TRAPPC9: variants seen among roughly 807,000 people sequenced by gnomAD.
TRAPPC9 encodes IKK2 binding protein.
In TRAPPC9, 83 loss-of-function variants were observed where a neutral mutation model predicts 124.0. The ratio of observed to expected loss-of-function variants is 0.67; its 90% confidence interval spans 0.56 to 0.80. The LOEUF (loss-of-function observed/expected upper bound fraction) is 0.80. Ranked by LOEUF, TRAPPC9 falls within the 30% of genes least tolerant of loss-of-function variation. The pLI is 0.00. For synonymous variants in TRAPPC9, 638 were observed against 617.5 expected, an observed-to-expected ratio of 1.03 and a Z score of -0.49; for missense variants, 1,302 against 1,508.3, an observed-to-expected ratio of 0.86 and a Z score of 2.27.
At chr8:140,153,585 T>C (rs893873383) in intron 17 of TRAPPC9, among the ~76,000 whole-genome samples, 10 of 152,302 alleles carry the variant, frequency 6.6e-5, no homozygotes, top group Middle Eastern at 6.8e-3. Context: ...CTCTGCCTTA[T>C]TGACCTTTGT....
At chr8:140,118,114 AT>A (rs2060923406) in intron 17 of TRAPPC9, among the ~76,000 whole-genome samples, 1 of 152,236 alleles carries the variant, frequency 6.6e-6, no homozygotes, top group Non-Finnish European at 1.5e-5. Context: ...TCCCATTTAA[AT>A]CAGAAACCAA....
intron 21 of TRAPPC9, among the ~76,000 whole-genome samples, chr8:139,816,088 T>C (rs1032448850): frequency 5.9e-5 from 9 of 151,902 alleles, no homozygotes; most frequent in Non-Finnish European, 1.3e-4. Flanking sequence ...GATGCTATGG[T>C]TGGGAAGCAC....
intron 17 of TRAPPC9, among the ~76,000 whole-genome samples, chr8:140,070,565 T>C (rs1843108121): frequency 6.6e-6 from 1 of 152,226 alleles, no homozygotes; most frequent in Non-Finnish European, 1.5e-5. Context: ...AAAACCAGAC[T>C]GTTCTTGCTC....
intron 21 of TRAPPC9, among the ~76,000 whole-genome samples, chr8:139,789,873 G>T (rs1359797044): frequency 6.6e-6 from 1 of 152,152 alleles, no homozygotes; most frequent in Non-Finnish European, 1.5e-5. Flanking sequence ...CTGTAGGCCG[G>T]CCTCAGTGCA....
chr8:140,151,921 C>G (rs79986214), intron 17 of TRAPPC9, among the ~76,000 whole-genome samples: 1 of 152,172 alleles, frequency 6.6e-6, no homozygotes, highest in Non-Finnish European at 1.5e-5. Flanking sequence ...ACCTCAGCCT[C>G]GACACACCCC....
chr8:140,161,927 A>C (rs2061758186), intron 17 of TRAPPC9, among the ~76,000 whole-genome samples: 1 of 152,144 alleles, frequency 6.6e-6, no homozygotes, highest in Non-Finnish European at 1.5e-5. Flanking sequence ...GCCTGGTTGC[A>C]GGCAGACGGG....
At chr8:140,347,298 T>G (rs114453240) in intron 9 of TRAPPC9, among the ~76,000 whole-genome samples, 2,249 of 152,324 alleles carry the variant, frequency 0.015, 49 homozygotes, top group African/African-American at 0.052. Flanking sequence ...TCAGGCCTTC[T>G]GGATCCAGCA....
intron 7 of TRAPPC9, among the ~76,000 whole-genome samples, chr8:140,385,274 G>C (rs987105776): frequency 1.3e-5 from 2 of 152,126 alleles, no homozygotes; most frequent in Non-Finnish European, 2.9e-5. Flanking sequence ...AGAAGCAAGA[G>C]CAAACACATT....
At chr8:140,094,580 G>A (rs530226967) in intron 17 of TRAPPC9, among the ~76,000 whole-genome samples, 2 of 152,208 alleles carry the variant, frequency 1.3e-5, no homozygotes, top group Admixed American at 6.5e-5. Flanking sequence ...GTACCTACCA[G>A]TGACCTGACA....
At chr8:140,099,169 C>T (rs532607559) in intron 17 of TRAPPC9, 4 of 152,080 alleles carry the variant, frequency 2.6e-5, no homozygotes, top group Non-Finnish European at 5.9e-5. Context: ...TACTGACGCC[C>T]TCCGTGATCC....
chr8:140,044,904 A>G (rs1303679762), intron 17 of TRAPPC9, among the ~76,000 whole-genome samples: 5 of 152,244 alleles, frequency 3.3e-5, no homozygotes, highest in Non-Finnish European at 7.3e-5. Flanking sequence ...TATAACTTAC[A>G]CGCAGTAATA....
chr8:140,303,519 C>T (rs949359469), intron 10 of TRAPPC9, among the ~76,000 whole-genome samples: 3 of 152,226 alleles, frequency 2.0e-5, no homozygotes, highest in Non-Finnish European at 1.5e-5. Context: ...TCTATCAGAA[C>T]CATCCTCTGC....
At chr8:140,211,595 A>G (rs571024046) in intron 17 of TRAPPC9, among the ~76,000 whole-genome samples, 1 of 152,344 alleles carries the variant, frequency 6.6e-6, no homozygotes, top group East Asian at 1.9e-4. Flanking sequence ...GAAACTTCAT[A>G]AACATCCCAC....
intron 9 of TRAPPC9, among the ~76,000 whole-genome samples, chr8:140,320,940 C>T (rs1203285861): frequency 6.6e-6 from 1 of 152,202 alleles, no homozygotes; most frequent in African/African-American, 2.4e-5. Flanking sequence ...ACGAGTACAC[C>T]TGTAGCAACT....
At position 140,299,953 on chromosome 8, in the gene TRAPPC9, G is replaced by T. The variant is rs185416986; in HGVS notation, c.1768+516C>A. Among the ~76,000 whole-genome samples, 6 of 152,288 alleles carry T rather than the reference G, an allele frequency of 3.9e-5. No homozygotes were observed. In the East Asian group the frequency reaches 1.2e-3, roughly 29 times the overall value. ...ACCATCCAACCCTGAATCTTTCTCT[G>T]ATGACTCAGAAGTCACTTCAGCCCT... On this transcript the variant is annotated intron_variant, in intron 11 of 22. Coordinates refer to ENST00000438773, the MANE Select transcript of TRAPPC9 (RefSeq NM_001160372.4).
chr8:139,902,518 C>A (rs774836559), intron 20 of TRAPPC9, among the ~76,000 whole-genome samples: 7 of 152,210 alleles, frequency 4.6e-5, no homozygotes, highest in African/African-American at 7.2e-5. Context: ...CAAAATGCAA[C>A]CCTGCATTTT....
chr8:139,865,432 T>A (rs1388987998), intron 21 of TRAPPC9, among the ~76,000 whole-genome samples: 2 of 152,232 alleles, frequency 1.3e-5, no homozygotes, highest in African/African-American at 4.8e-5. Context: ...CACTCTGTGT[T>A]GTGAGTTCAT....
At chr8:139,894,247 C>T (rs1457664071) in intron 20 of TRAPPC9, among the ~76,000 whole-genome samples, 1 of 152,238 alleles carries the variant, frequency 6.6e-6, no homozygotes, top group Non-Finnish European at 1.5e-5. Flanking sequence ...AGTCCCGGCA[C>T]CAACAAGACC....
chr8:139,916,064 T>G (rs1207875983), intron 19 of TRAPPC9, among the ~76,000 whole-genome samples: 1 of 152,162 alleles, frequency 6.6e-6, no homozygotes, highest in African/African-American at 2.4e-5. Context: ...GAGCTTATAT[T>G]TAGGTCAGTG....
Sources: allele counts gnomAD v4.1 joint callset (sites outside exome capture counted in the v4.1 genomes callset), GRCh38; gene constraint gnomAD v4.1.1; transcripts MANE v1.5; gene names NCBI Gene and HGNC (gene_info 2026-07-23, HGNC 2026-07-21).